Variants in POFUT1 observed in about 807,000 individuals in gnomAD.
POFUT1 encodes GDP-fucose protein O-fucosyltransferase 1.
POFUT1 carries 16 observed loss-of-function variants against 42.4 expected under a neutral mutation model. The ratio of observed to expected loss-of-function variants is 0.38; its 90% confidence interval spans 0.26 to 0.57. POFUT1 has a LOEUF of 0.57. Ranked by LOEUF, POFUT1 falls within the 20% of genes least tolerant of loss-of-function variation. The probability of loss-of-function intolerance (pLI) is 0.71; values close to 1 mark genes in which losing one functional copy is unlikely to be tolerated. For missense variants in POFUT1, 470 were observed against 504.6 expected (o/e 0.93, Z 0.66); for synonymous variants, 206 against 205.4 (o/e 1.00, Z -0.03).
In POFUT1 at chr20:32,237,215, A is replaced by G. The variant is rs1228894622; in HGVS notation, c.*2554A>G. On this transcript the variant is annotated 3_prime_UTR_variant, in exon 7 of 7. Transcript: ENST00000375749. ...TTCAGCAGGTGTTTGTTCATCACCT[A>G]CTATGTGTCAGGCTCTATGCTAGGT... 1 of 153,148 alleles carries G rather than the reference A, an allele frequency of 6.5e-6. No individual in the cohort carries two copies. Among genetic ancestry groups the G allele is most frequent in the Non-Finnish European group, 1.5e-5 (1 of 68,662 alleles). 9.5% of individuals were successfully genotyped at this position (153,148 alleles called of 1,614,324 possible). A position where few individuals can be genotyped will look rare whatever the true frequency, so the allele number is the denominator to read the frequency against.
rs1198536771 is a variant in POFUT1 at position 32,207,923 on chromosome 20, C to A, written c.-19C>A. On this transcript the variant is annotated 5_prime_UTR_variant, in exon 1 of 7. Transcript: ENST00000375749. ...CTCCCCGACTGTGCGCCGCGGCTGG[C>A]TCGGGTTCCCGGGCCGACATGGGCG... is the stretch of plus-strand genomic sequence containing the variant. The A allele has an allele frequency of 5.1e-6, 8 of 1,575,244 alleles. No individual in the cohort carries two copies. The highest frequency in any genetic ancestry group is 6.0e-6 in the Non-Finnish European group (7 of 1,169,620).
In POFUT1 at chr20:32,215,282, A is replaced by G. The variant is rs200012852; in HGVS notation, c.260A>G (p.Tyr87Cys). 8 of 1,611,974 alleles carry G rather than the reference A, an allele frequency of 5.0e-6. No individual in the cohort carries two copies. The highest frequency in any genetic ancestry group is 6.8e-6 in the Non-Finnish European group (8 of 1,178,254). The change falls in exon 3 of 7, where the codon TAC (tyrosine) becomes TGC (cysteine). Residue 87 changes from tyrosine to cysteine, a missense_variant. Physicochemically the swap from Tyr to Cys is radical, Grantham distance 194. Transcript: ENST00000375749. ...CTTTTCCTGTAGCTCCATGTGTCCT[A>G]CCAGAAGTACTTCAAGCTGGAGCCC... ...KPPFTNLHVS[Y>C]QKYFKLEPLQ...
In POFUT1 at chr20:32,215,394, A is replaced by G; in HGVS notation, c.372A>G (p.Ala124=). ...PTHWPPEKRV[A]YCFEVAAQRS... is the part of the protein sequence containing the mutation. ...ACTGGCCCCCTGAGAAGCGGGTGGC[A>G]TACTGCTTTGAGGTGGCAGCCCAGC... Residue 124 remains alanine (A), a synonymous_variant, in exon 3 of 7, where the codon GCA becomes GCG. Transcript: ENST00000375749. The G allele has an allele frequency of 1.9e-6, 3 of 1,614,074 alleles. No homozygotes were observed. The highest frequency in any genetic ancestry group is 1.3e-5 in the African/African-American group (1 of 75,016).
intron 2 of POFUT1, among the ~76,000 whole-genome samples, chr20:32,211,292 T>TG (rs397755436): frequency 1.1e-3 from 165 of 150,598 alleles, no homozygotes; most frequent in Middle Eastern, 3.4e-3. Context: ...TTTTTTTTTT[T>TG]GAGATGGAGT....
Position 32,237,976 on chromosome 20 carries a change from T to G in POFUT1, c.*3315T>G. ...TTTTAATCATGTAATATATACAATT[T>G]AATGTCCTAGTGTTTTACTTAATAG... On this transcript the variant is annotated 3_prime_UTR_variant, in exon 7 of 7. Transcript: ENST00000375749. 1 of 391,196 alleles carries G rather than the reference T, an allele frequency of 2.6e-6. No homozygotes were observed. Among genetic ancestry groups the G allele is most frequent in the South Asian group, 1.9e-5 (1 of 52,418 alleles). 24.2% of individuals were successfully genotyped at this position (391,196 alleles called of 1,614,324 possible).
In POFUT1 at chr20:32,234,690, C is replaced by T; in HGVS notation, c.*29C>T. ...TGGCCGGAGCACCAGACCCTCTGATCCTGGAGGGACCAGAGTCTGAGCTGG... is the reference window on the plus strand; with the variant it reads ...TGGCCGGAGCACCAGACCCTCTGATTCTGGAGGGACCAGAGTCTGAGCTGG... On this transcript the variant is annotated 3_prime_UTR_variant, in exon 7 of 7. Transcript: ENST00000375749. The T allele has an allele frequency of 6.4e-7, 1 of 1,558,046 alleles. No homozygotes were observed. Among genetic ancestry groups the T allele is most frequent in the Non-Finnish European group, 8.7e-7 (1 of 1,148,012 alleles).
At chr20:32,210,739 GC>G (rs2047323438) in intron 2 of POFUT1, among the ~76,000 whole-genome samples, 1 of 152,162 alleles carries the variant, frequency 6.6e-6, no homozygotes, top group Non-Finnish European at 1.5e-5. Context: ...ATGCTCACCG[GC>G]CCCCAGTTCC....
intron 5 of POFUT1, 132 bp from the exon 6 acceptor site, chr20:32,230,687 T>A (rs1467685304): frequency 1.8e-5 from 18 of 983,456 alleles, no homozygotes; most frequent in Non-Finnish European, 2.7e-5. Context: ...AGAGTGAGAC[T>A]CCGTCTCAAA....
At chr20:32,212,056 T>G (rs1213286282) in intron 2 of POFUT1, among the ~76,000 whole-genome samples, 1 of 152,216 alleles carries the variant, frequency 6.6e-6, no homozygotes, top group African/African-American at 2.4e-5. Context: ...GATGGTTATA[T>G]TCCTACCTCA....
At chr20:32,215,152 G>T in intron 2 of POFUT1, 117 bp from the exon 3 acceptor site, 1 of 705,806 alleles carries the variant, frequency 1.4e-6, no homozygotes, top group Non-Finnish European at 2.4e-6. Flanking sequence ...TCCTCCCAAA[G>T]TGCTGGGATT....
intron 6 of POFUT1, among the ~76,000 whole-genome samples, chr20:32,232,033 T>C (rs1393984749): frequency 1.3e-5 from 2 of 152,230 alleles, no homozygotes; most frequent in East Asian, 3.8e-4. Context: ...CCGTAAATGC[T>C]GTGCAGGCCT....
chr20:32,233,814 G>A (rs1268635174), intron 6 of POFUT1, among the ~76,000 whole-genome samples: 1 of 152,174 alleles, frequency 6.6e-6, no homozygotes, highest in Admixed American at 6.5e-5. Context: ...GGAGCTCTCT[G>A]TTCCCCTCTC....
Position 32,210,096 on chromosome 20 carries a change from C to T in POFUT1, c.150C>T (p.His50=), listed in dbSNP as rs1175139787. The change falls in exon 2 of 7, where the codon CAC becomes CAT. Residue 50 remains histidine, a synonymous_variant. Transcript: ENST00000375749. The part of the protein sequence containing the change: ...CMGRFGNQAD[H]FLGSLAFAKL... ...GGCGCTTTGGGAACCAGGCCGATCA[C>T]TTCTTGGGCTCTCTGGCATTTGCAA... 2 of 1,614,092 alleles carry T rather than the reference C, an allele frequency of 1.2e-6. No homozygotes were observed. Among genetic ancestry groups the T allele is most frequent in the Admixed American group, 1.7e-5 (1 of 60,002 alleles).
In POFUT1 at chr20:32,234,466, C is replaced by T. The variant is rs1370958303; in HGVS notation, c.979-7C>T. 1.3e-6 allele frequency: 2 copies of T among 1,596,418 alleles called. No individual in the cohort carries two copies. The highest frequency in any genetic ancestry group is 1.3e-5 in the African/African-American group (1 of 74,596). Reference sequence around the variant, plus strand: ...CCAGCTTATATGCTCTGTGCTTCTTCCTGCAGGTGAAGGTGGTGAGCCTGA... The same window carrying T: ...CCAGCTTATATGCTCTGTGCTTCTTTCTGCAGGTGAAGGTGGTGAGCCTGA... On this transcript the variant is annotated splice_polypyrimidine_tract_variant and splice_region_variant and intron_variant, in intron 6 of 6. Transcript: ENST00000375749.
chr20:32,233,379 C>T (rs183625434), intron 6 of POFUT1, among the ~76,000 whole-genome samples: 145 of 152,264 alleles, frequency 9.5e-4, no homozygotes, highest in African/African-American at 3.1e-3. Context: ...CAGCACAGCA[C>T]GCACAAAGGT....
At chr20:32,215,169 G>A (rs190002248) in intron 2 of POFUT1, 100 bp from the exon 3 acceptor site, 58 of 880,240 alleles carry the variant, frequency 6.6e-5, no homozygotes, top group African/African-American at 6.0e-4. Context: ...GATTACAGGC[G>A]TGAGCCACTG....
chr20:32,220,438 A>G (rs2047385720), intron 4 of POFUT1, among the ~76,000 whole-genome samples: 1 of 152,124 alleles, frequency 6.6e-6, no homozygotes, highest in African/African-American at 2.4e-5. Context: ...CCAGGGCTCA[A>G]GTTATCTAAA....
At position 32,215,462 on chromosome 20, in the gene POFUT1, TG is replaced by T. The variant is rs779185098; in HGVS notation, c.429+14del. On this transcript the variant is annotated intron_variant, in intron 3 of 6. Transcript: ENST00000375749. The stretch of plus-strand genomic sequence containing the variant: ...ACGTGCCCCATGAAGGTGGGTCCTG[TG>T]GGTTCGGGGGCCCTTTCTTCCTGTT... 3 of 1,598,496 alleles carry T rather than the reference TG, an allele frequency of 1.9e-6. No individual in the cohort carries two copies. The Admixed American group carries it at 5.0e-5, about 27-fold the overall frequency.
chr20:32,218,515 CCTTTGGACCTAG>C (rs1464411057), intron 4 of POFUT1, among the ~76,000 whole-genome samples: 1 of 152,156 alleles, frequency 6.6e-6, no homozygotes, highest in East Asian at 1.9e-4. Flanking sequence ...CTGGGACTTG[CCTTTGGACCTAG>C]CTTTGGACCT....
Sources: gnomAD v4.1 joint callset for allele counts (sites outside exome capture counted in the v4.1 genomes callset) on GRCh38, gnomAD v4.1.1 for gene constraint, MANE v1.5 for transcripts, NCBI Gene and HGNC (gene_info 2026-07-23, HGNC 2026-07-21) for gene names.